ADIPOR1: variants seen among roughly 807,000 people sequenced by gnomAD.
The protein encoded by ADIPOR1 is adiponectin receptor 1.
A neutral mutation model predicts 37.5 loss-of-function variants in ADIPOR1; 15 were observed. That is an observed-to-expected ratio of 0.40 (90% CI 0.27 to 0.62). The LOEUF is 0.62. Among genes scored for constraint, ADIPOR1 ranks in the 20% least tolerant of loss-of-function variants. The pLI is 0.42. For synonymous variants in ADIPOR1, 173 were observed against 173.2 expected (o/e 1.00, Z 0.01); for missense variants, 286 against 478.0 (o/e 0.60, Z 3.75).
intron 5 of ADIPOR1, chr1:202,944,431 A>G (rs1355576945): frequency 6.5e-6 from 1 of 154,430 alleles, no homozygotes; most frequent in Non-Finnish European, 1.4e-5. Context: ...TAGAAAAAAC[A>G]AAATAATACA....
chr1:202,946,772 T>C (rs542556546), intron 3 of ADIPOR1, among the ~76,000 whole-genome samples, 162 bp from the exon 4 acceptor site: 2 of 150,616 alleles, frequency 1.3e-5, no homozygotes, highest in Non-Finnish European at 2.9e-5. Flanking sequence ...AGACATAGCA[T>C]GAATGGGGCT....
At position 202,941,595 on chromosome 1, in the gene ADIPOR1, C is replaced by T; in HGVS notation, c.1106G>A (p.Cys369Tyr). 6.2e-7 allele frequency: 1 copy of T among 1,614,048 alleles called. No individual in the cohort carries two copies. Among genetic ancestry groups the T allele is most frequent in the Non-Finnish European group, 8.5e-7 (1 of 1,180,008 alleles). ...GGCTCAGAGAAGGGTGTCATCAGTA[C>T]AGCCGCCTTCTAGGCCGTAACGGAA... Reference protein sequence around the residue: ...QEFRYGLEGGCTDDTLL With the variant: ...QEFRYGLEGGYTDDTLL The change falls in exon 8 of 8, where the codon TGT becomes TAT. Residue 369 changes from cysteine (C) to tyrosine (Y), a missense_variant. Cys to Tyr is a radical substitution (Grantham distance 194). Transcript: ENST00000340990.
At chr1:202,951,962 G>A (rs1187128469) in intron 1 of ADIPOR1, among the ~76,000 whole-genome samples, 1 of 152,156 alleles carries the variant, frequency 6.6e-6, no homozygotes, top group East Asian at 1.9e-4. Flanking sequence ...ACTCAAATGA[G>A]TATTTCAGAA....
chr1:202,943,592 G>A (rs34559546), intron 6 of ADIPOR1, among the ~76,000 whole-genome samples, 166 bp downstream of exon 6: 32,065 of 152,108 alleles, frequency 0.21, 3,841 homozygotes, highest in South Asian at 0.35. Flanking sequence ...TGACACTGGG[G>A]GTTGAGAACT....
chr1:202,953,655 C>T (rs983149965), intron 1 of ADIPOR1, among the ~76,000 whole-genome samples: 5 of 152,076 alleles, frequency 3.3e-5, no homozygotes, highest in African/African-American at 1.2e-4. Context: ...GTATTTAGGA[C>T]TAGCACCCTA....
intron 7 of ADIPOR1, among the ~76,000 whole-genome samples, 159 bp from the exon 8 acceptor site, chr1:202,941,860 G>A (rs1037931815): frequency 4.5e-4 from 69 of 152,188 alleles, no homozygotes; most frequent in African/African-American, 1.6e-3. Flanking sequence ...CACAGTCCTT[G>A]TCAGAGATAC....
intron 4 of ADIPOR1, among the ~76,000 whole-genome samples, chr1:202,945,786 C>A (rs1378354795): frequency 6.6e-6 from 1 of 152,118 alleles, no homozygotes; most frequent in East Asian, 1.9e-4. Flanking sequence ...TGTATATGTT[C>A]TCACTTATAA....
intron 3 of ADIPOR1, among the ~76,000 whole-genome samples, chr1:202,947,686 A>G (rs762985759): frequency 2.6e-5 from 4 of 152,102 alleles, no homozygotes; most frequent in African/African-American, 9.7e-5. Flanking sequence ...CCCTCCCCCA[A>G]TTAGATTCTA....
intron 3 of ADIPOR1, 71 bp downstream of exon 3, chr1:202,948,233 T>C: frequency 7.8e-7 from 1 of 1,280,880 alleles, no homozygotes; most frequent in African/African-American, 1.5e-5. Context: ...CAGTGCAAGC[T>C]TGCTGGCTGG....
chr1:202,948,545 C>A, intron 2 of ADIPOR1, 125 bp from the exon 3 acceptor site: 1 of 714,876 alleles, frequency 1.4e-6, no homozygotes, highest in Non-Finnish European at 2.5e-6. Flanking sequence ...TACAGAGGGT[C>A]TTGTGGTCTC....
Position 202,942,039 on chromosome 1 carries a change from T to C in ADIPOR1, c.985A>G (p.Lys329Glu), listed in dbSNP as rs1459976577. 1 of 1,611,634 alleles carries C rather than the reference T, an allele frequency of 6.2e-7. No individual in the cohort carries two copies. Among genetic ancestry groups the C allele is most frequent in the Non-Finnish European group, 8.5e-7 (1 of 1,178,726 alleles). The change falls in exon 7 of 8, where the codon AAA becomes GAA. Residue 329 changes from lysine to glutamate, a missense_variant. Coordinates refer to ENST00000340990, the MANE Select transcript of ADIPOR1 (RefSeq NM_015999.6). ...TCATTTCTTACCCATATGTCAAATT[T>C]TCCAGGAAAGAAGCGCTCAGGAATT... ...ARIPERFFPG[K>E]FDIWFQSHQI...
At chr1:202,955,307 A>C (rs1654737899) in intron 1 of ADIPOR1, among the ~76,000 whole-genome samples, 1 of 151,474 alleles carries the variant, frequency 6.6e-6, no homozygotes, top group African/African-American at 2.4e-5. Context: ...CTGTAGCCTC[A>C]ATGTGCCAGA....
At chr1:202,950,803 T>C in intron 2 of ADIPOR1, 127 bp downstream of exon 2, 1 of 1,320,434 alleles carries the variant, frequency 7.6e-7, no homozygotes, top group Non-Finnish European at 1.1e-6. Flanking sequence ...TCATAGGGAC[T>C]TGGATAGAGA....
chr1:202,943,416 A>G (rs903327972), intron 6 of ADIPOR1, among the ~76,000 whole-genome samples: 4 of 152,190 alleles, frequency 2.6e-5, no homozygotes, highest in African/African-American at 9.6e-5. Context: ...GAGTGTTTTA[A>G]TTTTAATCCC....
At chr1:202,949,911 T>C in intron 2 of ADIPOR1, among the ~76,000 whole-genome samples, 1 of 152,186 alleles carries the variant, frequency 6.6e-6, no homozygotes, top group Admixed American at 6.5e-5. Flanking sequence ...AATATAGTTA[T>C]GTAAGTAAGT....
Position 202,942,180 on chromosome 1 carries a change from T to G in ADIPOR1, c.844A>C (p.Thr282Pro). The change falls in exon 7 of 8, where the codon ACC becomes CCC. Residue 282 changes from threonine to proline, a missense_variant. By Grantham distance (38) the Thr-to-Pro change is conservative. Coordinates refer to ENST00000340990, the MANE Select transcript of ADIPOR1 (RefSeq NM_015999.6). ...LGLGLSGVVP[T>P]MHFTIAEGFV... ...CCCTCAGCGATAGTAAAGTGCATGG[T>G]GGGCACGACGCCACTCAAGCCAAGT... is the stretch of plus-strand genomic sequence containing the variant. 1 of 1,614,082 alleles carries G rather than the reference T, an allele frequency of 6.2e-7. No individual in the cohort carries two copies. Among genetic ancestry groups the G allele is most frequent in the Non-Finnish European group, 8.5e-7 (1 of 1,180,002 alleles).
chr1:202,941,772 T>C, intron 7 of ADIPOR1, 71 bp from the exon 8 acceptor site: 1 of 1,535,792 alleles, frequency 6.5e-7, no homozygotes, highest in South Asian at 1.2e-5. Context: ...GGAGAAAGCA[T>C]TTGCTTCTTC....
At chr1:202,956,854 A>T (rs757013777) in intron 1 of ADIPOR1, among the ~76,000 whole-genome samples, 3 of 152,218 alleles carry the variant, frequency 2.0e-5, no homozygotes, top group Non-Finnish European at 4.4e-5. Context: ...TCAGTGGATT[A>T]ATGTTGCTCC....
At chr1:202,950,147 G>C (rs944875197) in intron 2 of ADIPOR1, among the ~76,000 whole-genome samples, 1 of 152,050 alleles carries the variant, frequency 6.6e-6, no homozygotes, top group Non-Finnish European at 1.5e-5. Flanking sequence ...GTTTTTAGTA[G>C]AGAGGGGGCT....
Sources: gnomAD v4.1 joint callset for allele counts (sites outside exome capture counted in the v4.1 genomes callset) on GRCh38, gnomAD v4.1.1 for gene constraint, MANE v1.5 for transcripts, NCBI Gene and HGNC (gene_info 2026-07-23, HGNC 2026-07-21) for gene names.